The following TBC1D21 variants were observed in gnomAD, a reference collection of about 807,000 sequenced individuals.
TBC1D21 encodes male germ cell Rab GTPase-activating protein.
Under a neutral mutation model 46.0 loss-of-function variants are expected in TBC1D21, and 38 were observed. The observed-to-expected ratio is 0.83, with a 90% confidence interval of 0.64 to 1.08. TBC1D21 has a LOEUF of 1.08. TBC1D21 is among the 50% of genes least tolerant of loss of function. The pLI, the probability that TBC1D21 is intolerant of heterozygous loss-of-function variation, is 0.00. For synonymous variants in TBC1D21, 151 were observed against 157.2 expected (o/e 0.96, Z 0.29); for missense variants, 415 against 417.9 (o/e 0.99, Z 0.06).
rs562680883 is a variant in TBC1D21 at position 73,888,894 on chromosome 15, T to C, written c.979-175T>C. Among the ~76,000 whole-genome samples, 7 of 152,332 alleles carry C rather than the reference T, an allele frequency of 4.6e-5. No homozygotes were observed. In the East Asian group the frequency reaches 1.4e-3, roughly 29 times the overall value. On this transcript the variant is annotated intron_variant, in intron 10 of 10. Transcript: ENST00000300504. Reference sequence around the variant, plus strand: ...TCTCGTTGTTTGCACATGTAGCTCCTTCCTCCCTGAGCAGGCTGTACTACT... The same window carrying C: ...TCTCGTTGTTTGCACATGTAGCTCCCTCCTCCCTGAGCAGGCTGTACTACT...
the TBC1D21 span, among the ~76,000 whole-genome samples, chr15:73,898,880 A>AAAAAAAAAAAATAT: frequency 4.2e-4 from 24 of 56,800 alleles, no homozygotes; most frequent in East Asian, 2.2e-3. Context: ...AAAAAAAAAA[A>AAAAAAAAAAAATAT]ATATATATAT....
chr15:73,886,568 C>T lies in TBC1D21; in HGVS notation c.733C>T (p.Gln245Ter), dbSNP rs1384573484. The T allele has an allele frequency of 6.2e-7, 1 of 1,613,766 alleles. No homozygotes were observed. Residue 245 changes from glutamine to a stop codon, truncating the protein, a stop_gained, in exon 8 of 11, where the codon CAG becomes TAG. Transcript: ENST00000300504. LOFTEE classifies it high-confidence loss of function. ...SLFPWFCFCF[Q>*]RAFKSFDDVW... is the part of the protein sequence containing the mutation. ...CTTCCCCTGGTTCTGCTTCTGCTTC[C>T]AGCGTGCCTTCAAGTCCTTCGATGA... is the stretch of plus-strand genomic sequence containing the variant.
At chr15:73,907,591 T>C in the TBC1D21 span, among the ~76,000 whole-genome samples, 66 of 152,332 alleles carry the variant, frequency 4.3e-4, no homozygotes, top group Non-Finnish European at 7.2e-4. Context: ...TTCTGTCACT[T>C]GCAAGCTGAA....
At chr15:73,881,314 C>T in intron 1 of TBC1D21, 85 bp from the exon 2 acceptor site, 2 of 991,686 alleles carry the variant, frequency 2.0e-6, no homozygotes, top group Non-Finnish European at 3.1e-6. Flanking sequence ...ATACATATTG[C>T]AAAGTCCAGA....
At position 73,885,058 on chromosome 15, in the gene TBC1D21, C is replaced by G. The variant is rs752598535; in HGVS notation, c.534C>G (p.His178Gln). 1 of 1,613,470 alleles carries G rather than the reference C, an allele frequency of 6.2e-7. No individual in the cohort carries two copies. Among genetic ancestry groups the G allele is most frequent in the South Asian group, 1.1e-5 (1 of 91,054 alleles). ...TGCTCTTCCAGCTGATGGTGGAGCA[C>G]GACCACGAGACCTTCTGGCTTTTCC... ...MMMLFQLMVE[H>Q]DHETFWLFQF... Residue 178 changes from histidine (H) to glutamine (Q), a missense_variant, in exon 6 of 11, where the codon CAC becomes CAG. Coordinates refer to ENST00000300504, the MANE Select transcript of TBC1D21 (RefSeq NM_153356.3).
At chr15:73,899,102 A>G in the TBC1D21 span, among the ~76,000 whole-genome samples, 6 of 151,932 alleles carry the variant, frequency 3.9e-5, no homozygotes, top group Non-Finnish European at 7.4e-5. Flanking sequence ...CCCATATTAG[A>G]CTTCACTAGC....
intron 1 of TBC1D21, among the ~76,000 whole-genome samples, chr15:73,880,719 C>T (rs552947842): frequency 1.6e-4 from 25 of 152,190 alleles, no homozygotes; most frequent in Non-Finnish European, 2.4e-4. Context: ...TGCAGTGAGC[C>T]GAGATCCACC....
the TBC1D21 span, among the ~76,000 whole-genome samples, chr15:73,904,175 C>A: frequency 6.6e-6 from 1 of 152,216 alleles, no homozygotes; most frequent in South Asian, 2.1e-4. Flanking sequence ...GGGCTTCCTG[C>A]CCCATCCTAA....
chr15:73,907,164 G>A, the TBC1D21 span, among the ~76,000 whole-genome samples: 1 of 150,664 alleles, frequency 6.6e-6, no homozygotes, highest in African/African-American at 2.4e-5. Context: ...TTTTCCCCCA[G>A]TCTGAGCCCT....
At chr15:73,895,094 T>A in the TBC1D21 span, among the ~76,000 whole-genome samples, 11 of 152,164 alleles carry the variant, frequency 7.2e-5, no homozygotes, top group Admixed American at 5.2e-4. Flanking sequence ...GCCCACCAAT[T>A]AAACCAGCAT....
chr15:73,879,362 C>T (rs1266462637), intron 1 of TBC1D21, among the ~76,000 whole-genome samples: 1 of 152,142 alleles, frequency 6.6e-6, no homozygotes, highest in Non-Finnish European at 1.5e-5. Flanking sequence ...CACCCCGCCA[C>T]CACACCCAGC....
chr15:73,900,293 T>C, the TBC1D21 span, among the ~76,000 whole-genome samples: 3 of 152,188 alleles, frequency 2.0e-5, no homozygotes, highest in African/African-American at 4.8e-5. Context: ...GCCTTCGTGC[T>C]AAGCAAAAAG....
At chr15:73,896,898 G>T in the TBC1D21 span, among the ~76,000 whole-genome samples, 2 of 152,238 alleles carry the variant, frequency 1.3e-5, no homozygotes, top group Admixed American at 1.3e-4. Flanking sequence ...TGGCTGACTA[G>T]TGGTGCATGT....
At chr15:73,905,838 A>T in the TBC1D21 span, among the ~76,000 whole-genome samples, 2 of 152,162 alleles carry the variant, frequency 1.3e-5, no homozygotes, top group Non-Finnish European at 2.9e-5. Context: ...GAGGTTTGGG[A>T]GAGTCAACTG....
rs71137360 is a variant in TBC1D21, at chr15:73,876,400, G to GTTT, written c.60+2642_60+2644dup. Among the ~76,000 whole-genome samples, 123 of 131,556 alleles carry GTTT rather than the reference G, an allele frequency of 9.3e-4. 2 individuals are homozygous for GTTT. Among genetic ancestry groups the GTTT allele is most frequent in the South Asian group, 2.0e-3 (8 of 4,086 alleles). The allele number at this position is 131,556 out of a possible 152,430, so 86.3% of individuals were successfully genotyped here. On this transcript the variant is annotated intron_variant, in intron 1 of 10. Transcript: ENST00000300504. ...CCACTACAACACCCGGGTAATTTTTGTTTTTTTTTTTTTGTATTTTTTTTA... is the reference window on the plus strand; with the variant it reads ...CCACTACAACACCCGGGTAATTTTTGTTTTTTTTTTTTTTTTGTATTTTTTTTA...
At chr15:73,892,436 G>C (rs975537518), downstream of TBC1D21, among the ~76,000 whole-genome samples, 4 of 152,212 alleles carry the variant, frequency 2.6e-5, no homozygotes, top group Admixed American at 2.0e-4. Context: ...AGACCTAGGA[G>C]CTCCCCAAGC....
chr15:73,873,864 C>T, intron 1 of TBC1D21, 95 bp downstream of exon 1: 5 of 1,420,228 alleles, frequency 3.5e-6, no homozygotes, highest in Non-Finnish European at 9.7e-7. Flanking sequence ...AGCTAGAACC[C>T]TGAGCTAACA....
At chr15:73,904,667 G>C in the TBC1D21 span, among the ~76,000 whole-genome samples, 4 of 152,162 alleles carry the variant, frequency 2.6e-5, no homozygotes, top group East Asian at 5.8e-4. Context: ...TAGATGTGGA[G>C]CCAGGGGTCA....
chr15:73,884,067 G>A, intron 3 of TBC1D21, 84 bp from the exon 4 acceptor site: 1 of 1,143,852 alleles, frequency 8.7e-7, no homozygotes, highest in South Asian at 1.2e-5. Flanking sequence ...GGATCTGCCT[G>A]GGGCCTGGTA....
Sources: gnomAD v4.1 joint callset for allele counts (sites outside exome capture counted in the v4.1 genomes callset) on GRCh38, gnomAD v4.1.1 for gene constraint, MANE v1.5 for transcripts, NCBI Gene and HGNC (gene_info 2026-07-23, HGNC 2026-07-21) for gene names.